Variants in NRXN1 observed in about 807,000 individuals in gnomAD.
NRXN1 encodes neurexin 1, also known as neurexin-1.
A neutral mutation model predicts 150.9 loss-of-function variants in NRXN1; 39 were observed. The observed-to-expected ratio is 0.26, with a 90% CI of 0.20 to 0.34. The LOEUF is 0.34. Ranked by LOEUF, NRXN1 falls within the 10% of genes least tolerant of loss-of-function variation. The pLI is 1.00. For missense variants in NRXN1, 1,815 were observed against 1,949.9 expected, an observed-to-expected ratio of 0.93 and a Z score of 1.30; for synonymous variants, 924 against 757.0, an observed-to-expected ratio of 1.22 and a Z score of -3.62.
chr2:50,391,479 C>T (rs1475731986), intron 17 of NRXN1, among the ~76,000 whole-genome samples: 2 of 152,068 alleles, frequency 1.3e-5, no homozygotes, highest in South Asian at 2.1e-4. Flanking sequence ...ATTTACATTA[C>T]ATTTGAAATA....
intron 21 of NRXN1, among the ~76,000 whole-genome samples, chr2:49,978,797 T>C (rs1053179842): frequency 6.6e-6 from 1 of 151,730 alleles, no homozygotes; most frequent in Non-Finnish European, 1.5e-5. Flanking sequence ...CATGTCACAA[T>C]TCTCTTAAAA....
At chr2:50,912,799 A>G (rs936158248) in intron 5 of NRXN1, 2 of 148,172 alleles carry the variant, frequency 1.3e-5, no homozygotes, top group African/African-American at 5.0e-5. Context: ...AAAAAAAAAG[A>G]AATAAACTGG....
chr2:50,787,604 CAAA>C (rs1055837232), intron 5 of NRXN1, among the ~76,000 whole-genome samples: 4 of 148,730 alleles, frequency 2.7e-5, no homozygotes, highest in African/African-American at 9.8e-5. Flanking sequence ...ACAACAACAA[CAAA>C]AACAAGAAAA....
At chr2:50,320,854 G>A (rs1435195307) in intron 17 of NRXN1, among the ~76,000 whole-genome samples, 2 of 152,120 alleles carry the variant, frequency 1.3e-5, no homozygotes, top group Non-Finnish European at 2.9e-5. Context: ...AATGTGCATT[G>A]AATGCCATCT....
intron 18 of NRXN1, among the ~76,000 whole-genome samples, chr2:50,219,014 C>T (rs1359566521): frequency 3.3e-5 from 5 of 151,766 alleles, no homozygotes; most frequent in Admixed American, 3.3e-4. Flanking sequence ...TTGTGGCATT[C>T]CAAACACACA....
intron 17 of NRXN1, among the ~76,000 whole-genome samples, chr2:50,403,661 A>G (rs1396535890): frequency 6.6e-6 from 1 of 152,152 alleles, no homozygotes; most frequent in Non-Finnish European, 1.5e-5. Flanking sequence ...CCTAAATGTA[A>G]CTTAGTATTA....
chr2:50,698,456 C>T (rs956618866), intron 5 of NRXN1, among the ~76,000 whole-genome samples: 2 of 152,180 alleles, frequency 1.3e-5, no homozygotes, highest in African/African-American at 4.8e-5. Context: ...ACAAAATTAT[C>T]TTAGTGTTGG....
At position 50,181,591 on chromosome 2, in the gene NRXN1, CTAAA is replaced by C. The variant is rs534553255; in HGVS notation, c.3546+55194_3546+55197del. 2.0e-4 allele frequency among the ~76,000 whole-genome samples: 31 copies of C among 152,188 alleles called. No homozygotes were observed. In the East Asian group the frequency reaches 5.4e-3, roughly 27 times the overall value. On this transcript the variant is annotated intron_variant, in intron 18 of 22. Transcript: ENST00000401669. Reference sequence around the variant, plus strand: ...GCCTTTCCAATAGGGGAAAATTAGACTAAATAAATTTTGGCCATTTACAGCTGAG... The same window carrying C: ...GCCTTTCCAATAGGGGAAAATTAGACTAAATTTTGGCCATTTACAGCTGAG...
At chr2:50,278,853 A>G (rs1391817024) in intron 17 of NRXN1, among the ~76,000 whole-genome samples, 3 of 152,164 alleles carry the variant, frequency 2.0e-5, no homozygotes, top group Admixed American at 1.3e-4. Flanking sequence ...AAATAACTTA[A>G]TGATGTGTCA....
intron 15 of NRXN1, among the ~76,000 whole-genome samples, chr2:50,479,962 T>C (rs757149366): frequency 1.3e-5 from 2 of 151,894 alleles, no homozygotes; most frequent in African/African-American, 2.4e-5. Context: ...TTAGTAGAGA[T>C]TGGGTTTCAC....
intron 8 of NRXN1, among the ~76,000 whole-genome samples, chr2:50,608,186 G>T (rs1392686472): frequency 1.3e-5 from 2 of 151,952 alleles, no homozygotes; most frequent in Admixed American, 6.6e-5. Context: ...TGCAATCAAG[G>T]TATATCCTGA....
intron 5 of NRXN1, among the ~76,000 whole-genome samples, chr2:50,659,333 C>T (rs749346958): frequency 2.6e-5 from 4 of 151,922 alleles, no homozygotes; most frequent in Non-Finnish European, 4.4e-5. Context: ...TATGAAAACA[C>T]GTTCATTTGA....
intron 18 of NRXN1, chr2:50,185,579 T>C (rs1331065821): frequency 2.0e-5 from 3 of 152,038 alleles, no homozygotes; most frequent in Non-Finnish European, 4.4e-5. Context: ...GTGTACTTTG[T>C]CTTTGCTCTT....
chr2:50,530,032 T>C (rs1258004752), intron 11 of NRXN1, among the ~76,000 whole-genome samples: 1 of 152,204 alleles, frequency 6.6e-6, no homozygotes, highest in Non-Finnish European at 1.5e-5. Context: ...CATCACATTT[T>C]ATTACTCCTT....
At chr2:50,786,033 C>G (rs1004672433) in intron 5 of NRXN1, among the ~76,000 whole-genome samples, 2 of 151,940 alleles carry the variant, frequency 1.3e-5, no homozygotes, top group Non-Finnish European at 2.9e-5. Flanking sequence ...CTAAAACTGC[C>G]AAACATCAAG....
intron 2 of NRXN1, among the ~76,000 whole-genome samples, chr2:50,945,441 G>A (rs1690192754): frequency 6.6e-6 from 1 of 152,006 alleles, no homozygotes; most frequent in African/African-American, 2.4e-5. Flanking sequence ...TCCAGCCTGG[G>A]TGACAGAGTG....
chr2:49,949,809 T>C (rs948562338), intron 21 of NRXN1, among the ~76,000 whole-genome samples: 1 of 151,850 alleles, frequency 6.6e-6, no homozygotes, highest in Non-Finnish European at 1.5e-5. Context: ...CAACAGTTAG[T>C]GGGTCGAGGA....
intron 2 of NRXN1, among the ~76,000 whole-genome samples, chr2:50,968,027 G>A (rs773382963): frequency 4.6e-5 from 7 of 151,932 alleles, no homozygotes; most frequent in East Asian, 3.9e-4. Flanking sequence ...TAATGCTAAC[G>A]AAAGGACTAG....
chr2:50,147,356 G>A (rs1395004700), intron 18 of NRXN1, among the ~76,000 whole-genome samples: 3 of 151,706 alleles, frequency 2.0e-5, no homozygotes, highest in Non-Finnish European at 3.0e-5. Context: ...GTTACAGAGT[G>A]GCAAAGAAGC....
Sources: gnomAD v4.1 joint callset for allele counts (sites outside exome capture counted in the v4.1 genomes callset) on GRCh38, gnomAD v4.1.1 for gene constraint, MANE v1.5 for transcripts, NCBI Gene and HGNC (gene_info 2026-07-23, HGNC 2026-07-21) for gene names.